SHISA9: variants seen among roughly 807,000 people sequenced by gnomAD.
SHISA9 encodes the protein protein shisa-9.
A neutral mutation model predicts 38.0 loss-of-function variants in SHISA9; 13 were observed. That is an observed-to-expected ratio of 0.34 (90% CI 0.22 to 0.54). The LOEUF (loss-of-function observed/expected upper bound fraction) is 0.54, where lower values mean the gene tolerates loss of function less well. Ranked by LOEUF, SHISA9 falls within the 20% of genes least tolerant of loss-of-function variation. The probability of loss-of-function intolerance (pLI) is 0.91; values close to 1 mark genes in which losing one functional copy is unlikely to be tolerated. For synonymous variants in SHISA9, 275 were observed against 242.0 expected (o/e 1.14, Z -1.27); for missense variants, 538 against 575.8 (o/e 0.93, Z 0.67).
intron 2 of SHISA9, among the ~76,000 whole-genome samples, chr16:13,001,310 G>T (rs756235647): frequency 1.3e-5 from 2 of 152,132 alleles, no homozygotes; most frequent in Non-Finnish European, 2.9e-5. Flanking sequence ...GGGCAGGCAG[G>T]GTCCGGGGAC....
At chr16:13,004,873 A>T (rs143715612) in intron 2 of SHISA9, among the ~76,000 whole-genome samples, 5 of 151,212 alleles carry the variant, frequency 3.3e-5, no homozygotes, top group Non-Finnish European at 7.4e-5. Context: ...CAGAGGTTGC[A>T]GTGAGCCTAG....
the SHISA9 span, among the ~76,000 whole-genome samples, chr16:13,502,204 A>G: frequency 7.2e-6 from 1 of 139,346 alleles, no homozygotes; most frequent in East Asian, 2.2e-4. Flanking sequence ...TCCCACCTAC[A>G]AAATAAACCA....
the SHISA9 span, among the ~76,000 whole-genome samples, chr16:13,374,585 T>A: frequency 6.6e-6 from 1 of 152,220 alleles, no homozygotes; most frequent in Non-Finnish European, 1.5e-5. Flanking sequence ...TTTGGGTTGG[T>A]TCCAAGTCTT....
intron 2 of SHISA9, among the ~76,000 whole-genome samples, chr16:13,167,705 G>A (rs1252501808): frequency 6.6e-6 from 1 of 152,088 alleles, no homozygotes; most frequent in Non-Finnish European, 1.5e-5. Context: ...CTCTGGCCAG[G>A]TAAAACATGC....
the SHISA9 span, among the ~76,000 whole-genome samples, chr16:13,350,845 C>A: frequency 6.6e-5 from 10 of 152,240 alleles, no homozygotes; most frequent in East Asian, 1.9e-3. Context: ...ACACAGAAAC[C>A]CTCTTTATTC....
intron 2 of SHISA9, among the ~76,000 whole-genome samples, chr16:13,154,397 G>C (rs1454141302): frequency 6.6e-6 from 1 of 152,214 alleles, no homozygotes; most frequent in Non-Finnish European, 1.5e-5. Context: ...AGTGAAAGGT[G>C]AGCAGAAATG....
the SHISA9 span, among the ~76,000 whole-genome samples, chr16:13,371,741 G>A: frequency 1.3e-5 from 2 of 152,246 alleles, no homozygotes; most frequent in Non-Finnish European, 2.9e-5. Context: ...AACCAACTGT[G>A]AGCTCAACGG....
At chr16:13,526,308 T>A in the SHISA9 span, among the ~76,000 whole-genome samples, 3 of 152,242 alleles carry the variant, frequency 2.0e-5, no homozygotes, top group Admixed American at 6.5e-5. Context: ...GCCTTCTCTG[T>A]CTGCCTGTGG....
the SHISA9 span, among the ~76,000 whole-genome samples, chr16:13,477,789 A>C: frequency 6.6e-6 from 1 of 152,116 alleles, no homozygotes; most frequent in Admixed American, 6.5e-5. Flanking sequence ...ACATGGTAAA[A>C]CCCCTTCTCT....
chr16:13,000,991 G>C (rs1167014603), intron 2 of SHISA9, among the ~76,000 whole-genome samples: 3 of 152,080 alleles, frequency 2.0e-5, no homozygotes, highest in Non-Finnish European at 4.4e-5. Flanking sequence ...GGGCAGTGTT[G>C]CAATTGGCTC....
intron 2 of SHISA9, among the ~76,000 whole-genome samples, chr16:13,005,614 C>G (rs1351167758): frequency 6.6e-6 from 1 of 152,124 alleles, no homozygotes; most frequent in Non-Finnish European, 1.5e-5. Flanking sequence ...TTGACTTTTA[C>G]CAGGAAAATC....
chr16:13,527,527 T>C, the SHISA9 span, among the ~76,000 whole-genome samples: 2 of 152,178 alleles, frequency 1.3e-5, no homozygotes, highest in Non-Finnish European at 1.5e-5. Context: ...ACTAGTCTAG[T>C]TAAATATAAG....
chr16:13,281,213 T>A, the SHISA9 span, among the ~76,000 whole-genome samples: 57 of 151,834 alleles, frequency 3.8e-4, no homozygotes, highest in South Asian at 2.1e-3. Context: ...AGCTAGTAAA[T>A]CACTTTTATT....
the SHISA9 span, among the ~76,000 whole-genome samples, chr16:13,283,220 T>C: frequency 6.6e-6 from 1 of 152,164 alleles, no homozygotes; most frequent in Non-Finnish European, 1.5e-5. Context: ...CTTGTTCAAA[T>C]TTTATTTAGA....
chr16:12,965,324 T>G, intron 2 of SHISA9, among the ~76,000 whole-genome samples: 1 of 152,194 alleles, frequency 6.6e-6, no homozygotes, highest in East Asian at 1.9e-4. Context: ...ACAAAATTGT[T>G]CCACTATCAC....
At chr16:13,073,969 GTT>G (rs11315393) in intron 2 of SHISA9, among the ~76,000 whole-genome samples, 3 of 127,916 alleles carry the variant, frequency 2.3e-5, no homozygotes, top group African/African-American at 8.7e-5. Flanking sequence ...TTTTTTTTTT[GTT>G]TTTTTTTTTT....
At chr16:13,009,156 C>T (rs896625839) in intron 2 of SHISA9, among the ~76,000 whole-genome samples, 1 of 151,754 alleles carries the variant, frequency 6.6e-6, no homozygotes, top group Non-Finnish European at 1.5e-5. Context: ...TGTTTTAAAC[C>T]TGATTTACAA....
the SHISA9 span, among the ~76,000 whole-genome samples, chr16:13,523,691 C>G: frequency 6.6e-6 from 1 of 152,138 alleles, no homozygotes; most frequent in Non-Finnish European, 1.5e-5. Flanking sequence ...GAGGACCACA[C>G]CAAGGGGGAT....
At chr16:13,538,967 C>T in the SHISA9 span, among the ~76,000 whole-genome samples, 1 of 151,966 alleles carries the variant, frequency 6.6e-6, no homozygotes, top group Admixed American at 6.6e-5. Context: ...AACAGAATGC[C>T]TTCAATGAGT....
Sources: gnomAD v4.1 joint callset for allele counts (sites outside exome capture counted in the v4.1 genomes callset) on GRCh38, gnomAD v4.1.1 for gene constraint, MANE v1.5 for transcripts, NCBI Gene and HGNC (gene_info 2026-07-23, HGNC 2026-07-21) for gene names.